CNTN4: variants seen among roughly 807,000 people sequenced by gnomAD.
The protein encoded by CNTN4 is contactin-4.
Under a neutral mutation model 122.5 loss-of-function variants are expected in CNTN4, and 77 were observed. The observed-to-expected ratio is 0.63, with a 90% CI of 0.52 to 0.76. The LOEUF is 0.76. CNTN4 is among the 30% of genes least tolerant of loss of function. The pLI is 0.00. For synonymous variants in CNTN4, 512 were observed against 447.0 expected, an observed-to-expected ratio of 1.15 and a Z score of -1.83; for missense variants, 1,256 against 1,259.1, an observed-to-expected ratio of 1.00 and a Z score of 0.04.
chr3:2,435,716 T>G (rs1020280558), intron 3 of CNTN4, among the ~76,000 whole-genome samples: 11 of 152,176 alleles, frequency 7.2e-5, no homozygotes, highest in Admixed American at 1.3e-4. Flanking sequence ...CAAGGGATGT[T>G]CCTCTATTTA....
At chr3:2,301,159 T>C (rs1292877201) in intron 2 of CNTN4, among the ~76,000 whole-genome samples, 1 of 152,184 alleles carries the variant, frequency 6.6e-6, no homozygotes, top group Non-Finnish European at 1.5e-5. Context: ...AATGATACAA[T>C]CTCAAACACA....
At chr3:3,027,112 C>G (rs1473562979) in intron 15 of CNTN4, among the ~76,000 whole-genome samples, 1 of 152,152 alleles carries the variant, frequency 6.6e-6, no homozygotes. Flanking sequence ...GAATAAGTGG[C>G]CTAAAGTCAT....
At chr3:2,768,105 T>C (rs1416631633) in intron 6 of CNTN4, among the ~76,000 whole-genome samples, 2 of 152,204 alleles carry the variant, frequency 1.3e-5, no homozygotes, top group African/African-American at 4.8e-5. Context: ...GGAGCCTTCA[T>C]ATTTATTGCT....
intron 13 of CNTN4, among the ~76,000 whole-genome samples, chr3:2,971,641 T>A (rs180703729): frequency 2.0e-5 from 3 of 152,332 alleles, no homozygotes; most frequent in Non-Finnish European, 4.4e-5. Flanking sequence ...TGAAAATTGT[T>A]AAGGAACAAC....
chr3:2,296,189 A>C (rs2042304655), intron 2 of CNTN4, among the ~76,000 whole-genome samples: 1 of 152,052 alleles, frequency 6.6e-6, no homozygotes, highest in African/African-American at 2.4e-5. Flanking sequence ...ATGAACTTTA[A>C]AGTAGTTTTT....
intron 2 of CNTN4, among the ~76,000 whole-genome samples, chr3:2,104,559 A>C (rs1187145379): frequency 6.6e-6 from 1 of 152,142 alleles, no homozygotes; most frequent in African/African-American, 2.4e-5. Flanking sequence ...CATTCAGTCA[A>C]GATACAGAGT....
chr3:3,005,093 G>T (rs1364951097), intron 14 of CNTN4, among the ~76,000 whole-genome samples: 1 of 152,146 alleles, frequency 6.6e-6, no homozygotes, highest in Non-Finnish European at 1.5e-5. Flanking sequence ...AATTCTGGTA[G>T]CCCTTCTTCA....
At chr3:2,914,380 A>C (rs901861752) in intron 12 of CNTN4, among the ~76,000 whole-genome samples, 1 of 152,190 alleles carries the variant, frequency 6.6e-6, no homozygotes, top group Non-Finnish European at 1.5e-5. Flanking sequence ...GATTTTTAAA[A>C]AGATCAACCA....
At chr3:2,872,176 C>G (rs1480835526) in intron 8 of CNTN4, among the ~76,000 whole-genome samples, 5 of 152,144 alleles carry the variant, frequency 3.3e-5, no homozygotes, top group African/African-American at 1.2e-4. Context: ...TAACAGACCA[C>G]TCATATAGCA....
At chr3:2,384,584 A>G (rs926104330) in intron 3 of CNTN4, among the ~76,000 whole-genome samples, 2 of 152,226 alleles carry the variant, frequency 1.3e-5, no homozygotes, top group African/African-American at 4.8e-5. Flanking sequence ...GTCATGGTGA[A>G]TTGCAAATGC....
At chr3:2,514,736 G>A (rs1324942165) in intron 3 of CNTN4, among the ~76,000 whole-genome samples, 2 of 152,166 alleles carry the variant, frequency 1.3e-5, no homozygotes, top group Non-Finnish European at 2.9e-5. Context: ...GGTTAAGAAA[G>A]TTACGAACTC....
At chr3:2,534,819 A>ATGCTGCTGCTGC (rs554324649) in intron 3 of CNTN4, among the ~76,000 whole-genome samples, 38 of 88,388 alleles carry the variant, frequency 4.3e-4, no homozygotes, top group African/African-American at 8.5e-4. Flanking sequence ...GGAACAATGT[A>ATGCTGCTGCTGC]TGCTGCTGCT....
chr3:2,519,161 G>C (rs997143167), intron 3 of CNTN4, among the ~76,000 whole-genome samples: 1 of 152,064 alleles, frequency 6.6e-6, no homozygotes, highest in Admixed American at 6.6e-5. Context: ...AGGGAAGATC[G>C]GCTTGCCCTC....
chr3:2,448,390 A>C (rs1412941280), intron 3 of CNTN4, among the ~76,000 whole-genome samples: 1 of 152,220 alleles, frequency 6.6e-6, no homozygotes, highest in Non-Finnish European at 1.5e-5. Context: ...AAGATCTATC[A>C]AGTCATTGGG....
chr3:2,361,207 G>A (rs1218183800), intron 3 of CNTN4, among the ~76,000 whole-genome samples: 1 of 152,084 alleles, frequency 6.6e-6, no homozygotes, highest in Non-Finnish European at 1.5e-5. Context: ...ATAAGTTAAC[G>A]TGTGTACCTG....
intron 4 of CNTN4, among the ~76,000 whole-genome samples, chr3:2,707,131 C>G (rs1206073592): frequency 6.6e-6 from 1 of 151,732 alleles, no homozygotes; most frequent in Non-Finnish European, 1.5e-5. Context: ...GAAACTCCAT[C>G]TCTATAGAAA....
chr3:2,466,458 G>T lies in CNTN4; in HGVS notation c.-88-104958G>T, dbSNP rs146392237. On this transcript the variant is annotated intron_variant, in intron 3 of 24. Coordinates refer to ENST00000418658, the MANE Select transcript of CNTN4 (RefSeq NM_175607.3). ...TTCAAAGCTTTAAAAACCAAATCTGGGATTTCAAAATAAAAGAAATTTTCA... is the reference window on the plus strand; with the variant it reads ...TTCAAAGCTTTAAAAACCAAATCTGTGATTTCAAAATAAAAGAAATTTTCA... Among the ~76,000 whole-genome samples, 133 of 152,192 alleles carry T rather than the reference G, an allele frequency of 8.7e-4. 1 individual carries two copies. In the South Asian group the frequency reaches 0.026, roughly 30 times the overall value.
At chr3:2,481,885 T>G (rs1366784450) in intron 3 of CNTN4, among the ~76,000 whole-genome samples, 1 of 152,172 alleles carries the variant, frequency 6.6e-6, no homozygotes, top group African/African-American at 2.4e-5. Flanking sequence ...ATGCCATGAT[T>G]GTAAGTTTCA....
At chr3:2,878,769 C>T (rs185647250) in intron 8 of CNTN4, among the ~76,000 whole-genome samples, 91 of 152,226 alleles carry the variant, frequency 6.0e-4, no homozygotes, top group Admixed American at 4.6e-3. Context: ...AAGACAGACG[C>T]ATTATTTGGT....
Sources: allele counts gnomAD v4.1 joint callset (sites outside exome capture counted in the v4.1 genomes callset), GRCh38; gene constraint gnomAD v4.1.1; transcripts MANE v1.5; gene names NCBI Gene and HGNC (gene_info 2026-07-23, HGNC 2026-07-21).